TENM2: variants seen among roughly 807,000 people sequenced by gnomAD.
The protein encoded by TENM2 is teneurin-2.
TENM2 carries 52 observed loss-of-function variants against 245.2 expected under a neutral mutation model. The ratio of observed to expected loss-of-function variants is 0.21; its 90% confidence interval spans 0.17 to 0.27. The LOEUF is 0.27. Among genes scored for constraint, TENM2 ranks in the 10% least tolerant of loss-of-function variants. TENM2 has a pLI of 1.00. For missense variants in TENM2, 3,046 were observed against 3,666.8 expected, an observed-to-expected ratio of 0.83 and a Z score of 4.37; for synonymous variants, 1,363 against 1,438.9, an observed-to-expected ratio of 0.95 and a Z score of 1.19.
intron 25 of TENM2, among the ~76,000 whole-genome samples, chr5:168,232,728 C>G (rs1243499894): frequency 2.6e-5 from 4 of 152,200 alleles, no homozygotes; most frequent in Non-Finnish European, 5.9e-5. Flanking sequence ...TTCCAACCCA[C>G]CTAGGTACCC....
the TENM2 span, among the ~76,000 whole-genome samples, chr5:167,246,770 G>A: frequency 1.3e-5 from 2 of 152,046 alleles, no homozygotes; most frequent in Non-Finnish European, 2.9e-5. Flanking sequence ...CATGTTGGTT[G>A]GCGCGGGGTG....
the TENM2 span, among the ~76,000 whole-genome samples, chr5:167,128,071 C>T: frequency 1.3e-5 from 2 of 152,236 alleles, no homozygotes; most frequent in Non-Finnish European, 2.9e-5. Context: ...GCTTCTGTAA[C>T]CTGGGGCAAA....
At chr5:168,071,754 A>G (rs1266122376) in intron 7 of TENM2, among the ~76,000 whole-genome samples, 1 of 152,226 alleles carries the variant, frequency 6.6e-6, no homozygotes, top group Non-Finnish European at 1.5e-5. Context: ...GCCAGCTCAA[A>G]GGATTTACAA....
intron 19 of TENM2, among the ~76,000 whole-genome samples, chr5:168,205,683 G>A (rs889167577): frequency 1.3e-5 from 2 of 152,184 alleles, no homozygotes; most frequent in African/African-American, 4.8e-5. Context: ...ACTGATAGAA[G>A]CCCAATGTGG....
intron 6 of TENM2, among the ~76,000 whole-genome samples, chr5:168,050,355 C>T (rs539423381): frequency 6.6e-6 from 1 of 152,316 alleles, no homozygotes; most frequent in Non-Finnish European, 1.5e-5. Context: ...CCAGTGACCT[C>T]CGCGCTCCCC....
chr5:167,756,457 G>A (rs894038795), intron 2 of TENM2, among the ~76,000 whole-genome samples: 1 of 152,088 alleles, frequency 6.6e-6, no homozygotes, highest in African/African-American at 2.4e-5. Flanking sequence ...AATCTGATAG[G>A]GTTTATAATA....
chr5:167,076,324 C>G, the TENM2 span, among the ~76,000 whole-genome samples: 55 of 152,168 alleles, frequency 3.6e-4, no homozygotes, highest in Admixed American at 3.9e-4. Flanking sequence ...GTCTGTTTCT[C>G]ATTGTTTAAA....
chr5:167,170,562 A>G, the TENM2 span, among the ~76,000 whole-genome samples: 1 of 152,212 alleles, frequency 6.6e-6, no homozygotes, highest in Non-Finnish European at 1.5e-5. Context: ...AAGACACAGC[A>G]TGTTTAAGTT....
In TENM2 at chr5:167,757,495, T is replaced by C. The variant is rs565384076; in HGVS notation, c.503-118491T>C. On this transcript the variant is annotated intron_variant, in intron 2 of 28. Transcript: ENST00000518659. ...TTTTCTTTATCCAGTCTATCATCGA[T>C]GGGCATTTGGGTTGGTTGCAAGTCT... is the stretch of plus-strand genomic sequence containing the variant. Among the ~76,000 whole-genome samples the C allele has an allele frequency of 2.6e-5, 4 of 152,330 alleles. No individual in the cohort carries two copies. The South Asian group carries it at 8.3e-4, about 32-fold the overall frequency.
At chr5:167,871,257 A>G (rs544033347) in intron 2 of TENM2, among the ~76,000 whole-genome samples, 1 of 151,964 alleles carries the variant, frequency 6.6e-6, no homozygotes, top group Non-Finnish European at 1.5e-5. Flanking sequence ...GTGATCTGCT[A>G]CCTCTCCCCA....
At chr5:167,462,750 G>A (rs1357388761) in intron 2 of TENM2, among the ~76,000 whole-genome samples, 2 of 151,904 alleles carry the variant, frequency 1.3e-5, no homozygotes, top group East Asian at 4.0e-4. Context: ...TGGGTTTGGG[G>A]TTTATATGGG....
chr5:167,213,032 TAC>T, the TENM2 span, among the ~76,000 whole-genome samples: 7 of 152,230 alleles, frequency 4.6e-5, no homozygotes, highest in Non-Finnish European at 1.0e-4. Context: ...AATGGATATT[TAC>T]AGTTTTAAAG....
the TENM2 span, among the ~76,000 whole-genome samples, chr5:167,018,015 C>T: frequency 6.6e-6 from 1 of 152,120 alleles, no homozygotes; most frequent in Non-Finnish European, 1.5e-5. Context: ...TATAAAAACA[C>T]AAAACCTCTG....
chr5:167,597,857 A>G (rs1276756928), intron 2 of TENM2, among the ~76,000 whole-genome samples: 3 of 152,222 alleles, frequency 2.0e-5, no homozygotes, highest in Admixed American at 2.0e-4. Flanking sequence ...ATGTGCATGC[A>G]TGTGCACACA....
At chr5:167,413,603 A>G (rs1405350675) in intron 2 of TENM2, among the ~76,000 whole-genome samples, 1 of 152,116 alleles carries the variant, frequency 6.6e-6, no homozygotes, top group Non-Finnish European at 1.5e-5. Flanking sequence ...TCCCTCAAAT[A>G]TCCAGCCATC....
chr5:168,259,359 G>A (rs1235828805), intron 27 of TENM2, among the ~76,000 whole-genome samples: 1 of 152,010 alleles, frequency 6.6e-6, no homozygotes, highest in East Asian at 1.9e-4. Context: ...AGGCTGAGGA[G>A]GGCGGATCAC....
At chr5:168,074,311 G>T (rs1581224896) in intron 7 of TENM2, among the ~76,000 whole-genome samples, 1 of 152,060 alleles carries the variant, frequency 6.6e-6, no homozygotes, top group East Asian at 1.9e-4. Flanking sequence ...CCCATAATCT[G>T]CTTATCTTCA....
At chr5:167,983,248 G>C (rs946022643) in intron 4 of TENM2, among the ~76,000 whole-genome samples, 1 of 151,964 alleles carries the variant, frequency 6.6e-6, no homozygotes, top group African/African-American at 2.4e-5. Flanking sequence ...CAAAACACCA[G>C]GTTTCTTTAA....
chr5:167,816,395 A>C (rs1265533641), intron 2 of TENM2, among the ~76,000 whole-genome samples: 1 of 152,170 alleles, frequency 6.6e-6, no homozygotes, highest in Non-Finnish European at 1.5e-5. Context: ...AAACAAGATG[A>C]CTGCTTTCTC....
Sources: gnomAD v4.1 joint callset for allele counts (sites outside exome capture counted in the v4.1 genomes callset) on GRCh38, gnomAD v4.1.1 for gene constraint, MANE v1.5 for transcripts, NCBI Gene and HGNC (gene_info 2026-07-23, HGNC 2026-07-21) for gene names.